Variants in ORM2 observed in about 807,000 individuals in gnomAD.
ORM2 encodes the protein alpha-1-acid glycoprotein 2.
ORM2 carries 19 observed loss-of-function variants against 26.8 expected under a neutral mutation model. The ratio of observed to expected loss-of-function variants is 0.71; its 90% CI spans 0.49 to 1.04. The LOEUF (loss-of-function observed/expected upper bound fraction) is 1.04. Ranked by LOEUF, ORM2 falls within the 50% of genes least tolerant of loss-of-function variation. ORM2 has a pLI of 0.00. For synonymous variants in ORM2, 94 were observed against 100.0 expected (o/e 0.94, Z 0.36); for missense variants, 259 against 244.9 (o/e 1.06, Z -0.39).
chr9:114,333,110 G>T lies in ORM2; in HGVS notation c.582G>T (p.Arg194Ser). The T allele has an allele frequency of 6.3e-7, 1 of 1,582,102 alleles. No homozygotes were observed. Among genetic ancestry groups the T allele is most frequent in the South Asian group, 1.2e-5 (1 of 86,620 alleles). ...EPLEKQHEKE[R>S]KQEEGES Reference sequence around the variant, plus strand: ...TGGAGAAGCAGCACGAGAAGGAGAGGAAACAGGAGGAGGGGGAATCCTAGC... The same window carrying T: ...TGGAGAAGCAGCACGAGAAGGAGAGTAAACAGGAGGAGGGGGAATCCTAGC... The change falls in exon 6 of 6, where the codon AGG becomes AGT. Residue 194 changes from arginine to serine, a missense_variant. Physicochemically the swap from Arg to Ser is moderately radical, Grantham distance 110. Coordinates refer to ENST00000431067, the MANE Select transcript of ORM2 (RefSeq NM_000608.4).
Position 114,330,552 on chromosome 9 carries a change from T to A in ORM2, c.233T>A (p.Ile78Asn). ...ACCCCCAACAAGACAGAGGACACGA[T>A]CTTTCTCAGAGAGTACCAGACCCGG... is the stretch of plus-strand genomic sequence containing the variant. Reference protein sequence around the residue: ...YFTPNKTEDTIFLREYQTRQN... With the variant: ...YFTPNKTEDTNFLREYQTRQN... The change falls in exon 2 of 6, where the codon ATC becomes AAC. Residue 78 changes from isoleucine to asparagine, a missense_variant. This residue lies in a region of ORM2 where 251 missense variants were observed against 220.5 expected (regional missense o/e 1.14). Transcript: ENST00000431067. 6 of 1,612,718 alleles carry A rather than the reference T, an allele frequency of 3.7e-6. No individual in the cohort carries two copies. The highest frequency in any genetic ancestry group is 3.4e-6 in the Non-Finnish European group (4 of 1,179,984).
rs1218342557 is a variant in ORM2 at position 114,332,038 on chromosome 9, T to C, written c.540+109T>C. 5.7e-6 allele frequency: 5 copies of C among 878,782 alleles called. No individual in the cohort carries two copies. The African/African-American group carries it at 9.0e-5, about 16-fold the overall frequency. The allele number at this position is 878,782 out of a possible 1,614,324, so 54.4% of individuals were successfully genotyped here. On this transcript the variant is annotated intron_variant, in intron 5 of 5. Transcript: ENST00000431067. Reference sequence around the variant, plus strand: ...AGGCAAGGCTGCACAGCTAGGCAGATCTTCTGCTTTTAGGCACCTGCCTCA... The same window carrying C: ...AGGCAAGGCTGCACAGCTAGGCAGACCTTCTGCTTTTAGGCACCTGCCTCA...
rs766123166 is a variant in ORM2 at position 114,331,812 on chromosome 9, T to C, written c.437-14T>C. The C allele has an allele frequency of 1.9e-6, 3 of 1,612,268 alleles. No individual in the cohort carries two copies. In the Admixed American group the frequency reaches 5.0e-5, roughly 27 times the overall value. On this transcript the variant is annotated splice_polypyrimidine_tract_variant and intron_variant, in intron 4 of 5. Coordinates refer to ENST00000431067, the MANE Select transcript of ORM2 (RefSeq NM_000608.4). ...CCACCATGTCCCCAGTCAGTCTCCT[T>C]GCTCCCCCTGCAGCTGACAAGCCAG...
chr9:114,331,907 T>C lies in ORM2; in HGVS notation c.518T>C (p.Val173Ala), dbSNP rs1475933014. 1.2e-6 allele frequency: 2 copies of C among 1,613,822 alleles called. No individual in the cohort carries two copies. Among genetic ancestry groups the C allele is most frequent in the South Asian group, 2.2e-5 (2 of 91,072 alleles). Reference protein sequence around the residue: ...LDCLCIPRSDVMYTDWKKDKC... With the variant: ...LDCLCIPRSDAMYTDWKKDKC... ...TGCTTGTGCATTCCCAGGTCAGATG[T>C]CATGTACACCGACTGGAAAAAGGTA... Residue 173 changes from valine (V) to alanine (A), a missense_variant, in exon 5 of 6, where the codon GTC (valine) becomes GCC (alanine). Around this residue, in one of 2 missense-constraint regions of ORM2, gnomAD observed 251 missense variants for 220.5 expected, o/e 1.14. Coordinates refer to ENST00000431067, the MANE Select transcript of ORM2 (RefSeq NM_000608.4).
Position 114,330,870 on chromosome 9 carries a change from C to T in ORM2, c.328+8C>T, listed in dbSNP as rs369773584. 2,673 of 1,612,276 alleles carry T rather than the reference C, an allele frequency of 1.7e-3. 11 individuals are homozygous for T. The highest frequency in any genetic ancestry group is 5.1e-3 in the South Asian group (466 of 91,046). On this transcript the variant is annotated splice_region_variant and intron_variant, in intron 3 of 5. Coordinates refer to ENST00000431067, the MANE Select transcript of ORM2 (RefSeq NM_000608.4). ...GGACCGTCTCCAGATACGGTGAGGGCCAGCCCTCAGGCAGGAGGGTTCACC... is the reference window on the plus strand; with the variant it reads ...GGACCGTCTCCAGATACGGTGAGGGTCAGCCCTCAGGCAGGAGGGTTCACC...
In ORM2 at chr9:114,331,830, C is replaced by T. The variant is rs1270553460; in HGVS notation, c.441C>T (p.Asp147=). ...GTCTCCTTGCTCCCCCTGCAGCTGA[C>T]AAGCCAGAGACGACCAAGGAGCAAC... The part of the protein sequence containing the change: ...EKNWGLSFYA[D]KPETTKEQLG... The change falls in exon 5 of 6, where the codon GAC becomes GAT. Residue 147 remains aspartate (D), a synonymous_variant. Transcript: ENST00000431067. 3.7e-6 allele frequency: 6 copies of T among 1,613,676 alleles called. No homozygotes were observed. Among genetic ancestry groups the T allele is most frequent in the Non-Finnish European group, 8.5e-7 (1 of 1,179,820 alleles).
At chr9:114,332,188 T>A (rs1216179577) in intron 5 of ORM2, among the ~76,000 whole-genome samples, 1 of 151,592 alleles carries the variant, frequency 6.6e-6, no homozygotes, top group Admixed American at 6.6e-5. Context: ...AGCCACGGGG[T>A]TGGGGGATTG....
rs372380630 is a variant in ORM2, at chr9:114,331,842, G to C, written c.453G>C (p.Thr151=). ...CCCCTGCAGCTGACAAGCCAGAGAC[G>C]ACCAAGGAGCAACTGGGAGAGTTCT... ...GLSFYADKPE[T]TKEQLGEFYE... The change falls in exon 5 of 6, where the codon ACG becomes ACC. Residue 151 remains threonine, a synonymous_variant. Transcript: ENST00000431067. The C allele has an allele frequency of 6.2e-7, 1 of 1,613,606 alleles. No individual in the cohort carries two copies. The highest frequency in any genetic ancestry group is 8.5e-7 in the Non-Finnish European group (1 of 1,179,864).
At chr9:114,330,684 G>T (rs1829836062) in intron 2 of ORM2, 108 bp downstream of exon 2, 1 of 1,601,896 alleles carries the variant, frequency 6.2e-7, no homozygotes, top group Non-Finnish European at 8.5e-7. Flanking sequence ...GAACCGGGAG[G>T]GTTGGCTTTA....
chr9:114,332,872 G>A (rs182111966), intron 5 of ORM2, among the ~76,000 whole-genome samples, 197 bp from the exon 6 acceptor site: 31 of 152,292 alleles, frequency 2.0e-4, no homozygotes, highest in Middle Eastern at 3.4e-3. Flanking sequence ...CCATTGTAGA[G>A]GCAAGTAAGC....
In ORM2 at chr9:114,331,891, A is replaced by G. The variant is rs137992042; in HGVS notation, c.502A>G (p.Ile168Val). ...EFYEALDCLC[I>V]PRSDVMYTDW... ...CTACGAAGCTCTCGACTGCTTGTGC[A>G]TTCCCAGGTCAGATGTCATGTACAC... Residue 168 changes from isoleucine to valine, a missense_variant, in exon 5 of 6, where the codon ATT becomes GTT. Coordinates refer to ENST00000431067, the MANE Select transcript of ORM2 (RefSeq NM_000608.4). The G allele has an allele frequency of 8.1e-6, 13 of 1,613,866 alleles. No homozygotes were observed. In the South Asian group the frequency reaches 1.2e-4, roughly 15 times the overall value.
chr9:114,329,936 G>A lies in ORM2; in HGVS notation c.32G>A (p.Ser11Asn). 6.7e-7 allele frequency: 1 copy of A among 1,489,290 alleles called. No homozygotes were observed. The highest frequency in any genetic ancestry group is 1.2e-5 in the South Asian group (1 of 82,590). The allele number at this position is 1,489,290 out of a possible 1,614,324, so 92.3% of individuals were successfully genotyped here. A position where few individuals can be genotyped will look rare whatever the true frequency, so the allele number is the denominator to read the frequency against. Residue 11 changes from serine (S) to asparagine (N), a missense_variant, in exon 1 of 6, where the codon AGC becomes AAC. Ser to Asn is a conservative substitution (Grantham distance 46). This residue lies in a region of ORM2 where 251 missense variants were observed against 220.5 expected (regional missense o/e 1.14). Coordinates refer to ENST00000431067, the MANE Select transcript of ORM2 (RefSeq NM_000608.4). MALSWVLTVL[S>N]LLPLLEAQIP... ...CTGTCCTGGGTTCTTACAGTCCTGAGCCTCCTACCTCTGCTGGAAGCCCAG... is the reference window on the plus strand; with the variant it reads ...CTGTCCTGGGTTCTTACAGTCCTGAACCTCCTACCTCTGCTGGAAGCCCAG...
intron 2 of ORM2, 84 bp from the exon 3 acceptor site, chr9:114,330,708 T>C (rs1588925251): frequency 6.3e-7 from 1 of 1,598,718 alleles, no homozygotes; most frequent in Non-Finnish European, 8.6e-7. Context: ...TCCACCAGAC[T>C]CTTGCCCCGG....
chr9:114,331,047 C>A lies in ORM2; in HGVS notation c.328+185C>A, dbSNP rs555981268. Among the ~76,000 whole-genome samples, 15 of 152,152 alleles carry A rather than the reference C, an allele frequency of 9.9e-5. No homozygotes were observed. The South Asian group carries it at 1.4e-3, about 15-fold the overall frequency. ...ACACTGAGAGAATTAGATGAGGAAA[C>A]ATAAGAACAGAGACCTCAAATAGTT... On this transcript the variant is annotated intron_variant, in intron 3 of 5. Coordinates refer to ENST00000431067, the MANE Select transcript of ORM2 (RefSeq NM_000608.4).
chr9:114,329,947 C>G lies in ORM2; in HGVS notation c.43C>G (p.Leu15Val). 1.3e-6 allele frequency: 2 copies of G among 1,515,434 alleles called. No homozygotes were observed. The highest frequency in any genetic ancestry group is 1.2e-5 in the South Asian group (1 of 85,298). 93.9% of individuals were successfully genotyped at this position (1,515,434 alleles called of 1,614,324 possible). A position where few individuals can be genotyped will look rare whatever the true frequency, so the allele number is the denominator to read the frequency against. Residue 15 changes from leucine to valine, a missense_variant, in exon 1 of 6, where the codon CTG (leucine) becomes GTG (valine). By Grantham distance (32) the Leu-to-Val change is conservative (BLOSUM62 1). This residue lies in a region of ORM2 where 251 missense variants were observed against 220.5 expected (regional missense o/e 1.14). Coordinates refer to ENST00000431067, the MANE Select transcript of ORM2 (RefSeq NM_000608.4). The stretch of plus-strand genomic sequence containing the variant: ...TCTTACAGTCCTGAGCCTCCTACCT[C>G]TGCTGGAAGCCCAGATCCCATTGTG... ...WVLTVLSLLP[L>V]LEAQIPLCAN... is the part of the protein sequence containing the mutation.
intron 1 of ORM2, 180 bp from the exon 2 acceptor site, chr9:114,330,254 G>T: frequency 1.3e-6 from 1 of 761,458 alleles, no homozygotes; most frequent in East Asian, 2.7e-5. Flanking sequence ...GCTGGGCCTG[G>T]AGGGGCTGCC....
Position 114,330,419 on chromosome 9 carries a change from C to T in ORM2, c.115-15C>T, listed in dbSNP as rs780948179. 5.3e-5 allele frequency: 82 copies of T among 1,552,820 alleles called. 11 individuals carry two copies. Among genetic ancestry groups the T allele is most frequent in the Non-Finnish European group, 7.1e-5 (81 of 1,143,026 alleles). On this transcript the variant is annotated splice_polypyrimidine_tract_variant and intron_variant, in intron 1 of 5. Transcript: ENST00000431067. ...AGCATCAAGCCCCCATCACCAGCTC[C>T]CCCCTTCTCCCCAGATCACTGGCAA... is the stretch of plus-strand genomic sequence containing the variant.
intron 3 of ORM2, among the ~76,000 whole-genome samples, chr9:114,331,276 T>C (rs562072398): frequency 2.8e-4 from 42 of 152,154 alleles, no homozygotes; most frequent in Admixed American, 9.2e-4. Flanking sequence ...TGAACTGACA[T>C]CATTTAGCAT....
In ORM2 at chr9:114,331,872, A is replaced by C. The variant is rs1339960105; in HGVS notation, c.483A>C (p.Glu161Asp). 1.2e-6 allele frequency: 2 copies of C among 1,613,864 alleles called. No homozygotes were observed. Among genetic ancestry groups the C allele is most frequent in the Non-Finnish European group, 1.7e-6 (2 of 1,179,876 alleles). ...AGGAGCAACTGGGAGAGTTCTACGA[A>C]GCTCTCGACTGCTTGTGCATTCCCA... Reference protein sequence around the residue: ...TTKEQLGEFYEALDCLCIPRS... With the variant: ...TTKEQLGEFYDALDCLCIPRS... The change falls in exon 5 of 6, where the codon GAA becomes GAC. Residue 161 changes from glutamate (E) to aspartate (D), a missense_variant. Coordinates refer to ENST00000431067, the MANE Select transcript of ORM2 (RefSeq NM_000608.4).
Sources: allele counts gnomAD v4.1 joint callset (sites outside exome capture counted in the v4.1 genomes callset), GRCh38; gene constraint gnomAD v4.1.1; regional missense constraint gnomAD v4.1.1; transcripts MANE v1.5; gene names NCBI Gene and HGNC (gene_info 2026-07-23, HGNC 2026-07-21).